The following ZNF462 variants were observed in gnomAD, a reference collection of about 807,000 sequenced individuals.
ZNF462 encodes the protein zinc finger PBX1-interacting protein.
In ZNF462, 10 loss-of-function variants were observed where a neutral mutation model predicts 201.9. That is an observed-to-expected ratio of 0.05 (90% CI 0.03 to 0.08). The LOEUF (loss-of-function observed/expected upper bound fraction) is 0.08. Ranked by LOEUF, ZNF462 falls within the 10% of genes least tolerant of loss-of-function variation. ZNF462 has a pLI of 1.00. For missense variants in ZNF462, 2,523 were observed against 3,168.3 expected, an observed-to-expected ratio of 0.80 and a Z score of 4.89; for synonymous variants, 1,227 against 1,193.3, an observed-to-expected ratio of 1.03 and a Z score of -0.58.
chr9:106,969,391 T>C (rs1293755250), intron 7 of ZNF462, among the ~76,000 whole-genome samples: 5 of 152,190 alleles, frequency 3.3e-5, no homozygotes, highest in African/African-American at 4.8e-5. Flanking sequence ...AGTTAAAATA[T>C]AGAATTTGTT....
rs1009605573 is a variant in ZNF462, at chr9:106,883,890, A to C, written c.-31+20535A>C. On this transcript the variant is annotated intron_variant, in intron 1 of 12. Transcript: ENST00000277225. The surrounding 1 kb of genome is among the most constrained non-coding windows in gnomAD (Gnocchi z 4.9). ...GTTTTAACAGCTTCAGAATGTGAAG[A>C]ATCTGTAGGTCTAGTCTGCTAATTG... 3.3e-5 allele frequency among the ~76,000 whole-genome samples: 5 copies of C among 152,312 alleles called. No homozygotes were observed. Among genetic ancestry groups the C allele is most frequent in the Non-Finnish European group, 7.4e-5 (5 of 68,022 alleles).
At chr9:106,967,392 G>C (rs1046040701) in intron 7 of ZNF462, among the ~76,000 whole-genome samples, 1 of 151,820 alleles carries the variant, frequency 6.6e-6, no homozygotes, top group African/African-American at 2.4e-5. Flanking sequence ...TTTGTCGTTT[G>C]CCTTTATAAA....
At chr9:106,999,674 A>G (rs1307422708) in intron 10 of ZNF462, among the ~76,000 whole-genome samples, 1 of 152,262 alleles carries the variant, frequency 6.6e-6, no homozygotes, top group Non-Finnish European at 1.5e-5. Context: ...ATCTACAGAT[A>G]GAGAACAGGA....
At chr9:106,910,492 T>G (rs1829505164) in intron 1 of ZNF462, among the ~76,000 whole-genome samples, 1 of 151,872 alleles carries the variant, frequency 6.6e-6, no homozygotes, top group Non-Finnish European at 1.5e-5. Context: ...TGCTTAATTC[T>G]GCTTTTAGAA....
At chr9:106,989,151 T>G (rs1405268538) in intron 10 of ZNF462, among the ~76,000 whole-genome samples, 1 of 152,164 alleles carries the variant, frequency 6.6e-6, no homozygotes, top group African/African-American at 2.4e-5. Flanking sequence ...TTTTCCCCAT[T>G]CAGTATTACG....
At position 106,918,068 on chromosome 9, in the gene ZNF462, G is replaced by C. The variant is rs914447053; in HGVS notation, c.-30-5286G>C. Among the ~76,000 whole-genome samples the C allele has an allele frequency of 1.1e-4, 16 of 151,784 alleles. 1 individual carries two copies. The Middle Eastern group carries it at 0.014, about 129-fold the overall frequency. ...TTTTTTTTATTTTTAGTAGAAACAGGGTTTCACCATGTTGACCAGACTGGT... is the reference window on the plus strand; with the variant it reads ...TTTTTTTTATTTTTAGTAGAAACAGCGTTTCACCATGTTGACCAGACTGGT... On this transcript the variant is annotated intron_variant, in intron 1 of 12. Transcript: ENST00000277225.
chr9:106,860,857 C>T (rs1039651246), upstream of ZNF462, among the ~76,000 whole-genome samples: 8 of 151,932 alleles, frequency 5.3e-5, no homozygotes, highest in Admixed American at 4.6e-4. The surrounding 1 kb of genome is among the most constrained non-coding windows in gnomAD (Gnocchi z 7.1). Flanking sequence ...TCCGGGCACT[C>T]GGAAGGGGGA....
chr9:106,935,584 C>T lies in ZNF462; in HGVS notation c.6198C>T (p.Asn2066=), dbSNP rs745504479. The T allele has an allele frequency of 1.4e-5, 22 of 1,613,964 alleles. No individual in the cohort carries two copies. In the South Asian group the frequency reaches 1.9e-4, roughly 14 times the overall value. The change falls in exon 6 of 13, where the codon AAC becomes AAT. Residue 2066 remains asparagine (N), a synonymous_variant. Transcript: ENST00000277225. The surrounding 1 kb of genome is among the most constrained non-coding windows in gnomAD (Gnocchi z 4.1). ...CKLCSFKSSY[N]SRLKTHILKA... is the part of the protein sequence containing the mutation. ...TCTGCTCCTTCAAGTCCTCCTATAACAGCCGGCTGAAAACACATATACTCA... is the reference window on the plus strand; with the variant it reads ...TCTGCTCCTTCAAGTCCTCCTATAATAGCCGGCTGAAAACACATATACTCA...
Position 106,926,245 on chromosome 9 carries a change from C to T in ZNF462, c.2333C>T (p.Thr778Ile), listed in dbSNP as rs1423687519. Residue 778 changes from threonine to isoleucine, a missense_variant, in exon 3 of 13, where the codon ACC becomes ATC. Around this residue, in one of 15 missense-constraint regions of ZNF462, gnomAD observed 383 missense variants for 453.4 expected, o/e 0.84. Transcript: ENST00000277225. The surrounding 1 kb of genome is among the most constrained non-coding windows in gnomAD (Gnocchi z 7.9). ...AAAGAGCCCAACTTCAGAAACATCA[C>T]CCACGATTACAATGCCACCAATGGG... is the stretch of plus-strand genomic sequence containing the variant. ...PQKEPNFRNI[T>I]HDYNATNGAE... 1.9e-6 allele frequency: 3 copies of T among 1,614,200 alleles called. No homozygotes were observed. The highest frequency in any genetic ancestry group is 8.5e-7 in the Non-Finnish European group (1 of 1,180,048).
rs1421429397 is a variant in ZNF462 at position 106,935,444 on chromosome 9, A to C, written c.6117-59A>C. 3 of 1,495,388 alleles carry C rather than the reference A, an allele frequency of 2.0e-6. No homozygotes were observed. In the African/African-American group the frequency reaches 4.1e-5, roughly 21 times the overall value. The allele number at this position is 1,495,388 out of a possible 1,614,324, so 92.6% of individuals were successfully genotyped here. A position where few individuals can be genotyped will look rare whatever the true frequency, so the allele number is the denominator to read the frequency against. On this transcript the variant is annotated intron_variant, in intron 5 of 12. Transcript: ENST00000277225. The surrounding 1 kb of genome is among the most constrained non-coding windows in gnomAD (Gnocchi z 4.1). ...ATTCCTGGAAAAAAAGCAATGAGCA[A>C]ATCCTCTATGCAATTTTTAATTTTG...
intron 7 of ZNF462, among the ~76,000 whole-genome samples, chr9:106,955,842 A>G (rs1245002178): frequency 1.3e-5 from 2 of 152,136 alleles, no homozygotes; most frequent in African/African-American, 2.4e-5. Context: ...TTATCTTTGC[A>G]AGTTTTATCA....
rs1832167114 is a variant in ZNF462, at chr9:106,968,160, C to T, written c.6428-3845C>T. The stretch of plus-strand genomic sequence containing the variant: ...AGACACAAGACTCAGACTTTATAAT[C>T]AGACAGGTCTTTGTTCAAATCCTAC... On this transcript the variant is annotated intron_variant, in intron 7 of 12. Coordinates refer to ENST00000277225, the MANE Select transcript of ZNF462 (RefSeq NM_021224.6). The surrounding 1 kb of genome is among the most constrained non-coding windows in gnomAD (Gnocchi z 4.0). Among the ~76,000 whole-genome samples the T allele has an allele frequency of 6.6e-6, 1 of 152,140 alleles. No individual in the cohort carries two copies. Among genetic ancestry groups the T allele is most frequent in the South Asian group, 2.1e-4 (1 of 4,826 alleles).
chr9:106,889,263 A>C (rs1195906790), intron 1 of ZNF462, among the ~76,000 whole-genome samples: 1 of 152,178 alleles, frequency 6.6e-6, no homozygotes, highest in Admixed American at 6.5e-5. Flanking sequence ...GAGGCCTCAG[A>C]AATGCTACCT....
intron 1 of ZNF462, among the ~76,000 whole-genome samples, chr9:106,871,602 G>A (rs138502734): frequency 6.6e-6 from 1 of 152,236 alleles, no homozygotes; most frequent in African/African-American, 2.4e-5. Flanking sequence ...GAAATATGAA[G>A]ACCAGTGCTC....
chr9:106,907,891 C>T (rs1829338633), intron 1 of ZNF462, among the ~76,000 whole-genome samples: 1 of 151,816 alleles, frequency 6.6e-6, no homozygotes, highest in South Asian at 2.1e-4. Context: ...TACCAGATTC[C>T]ATATTTAAAT....
Position 107,010,012 on chromosome 9 carries a change from G to A in ZNF462, c.7313+344G>A, listed in dbSNP as rs1829832967. On this transcript the variant is annotated intron_variant, in intron 12 of 12. Coordinates refer to ENST00000277225, the MANE Select transcript of ZNF462 (RefSeq NM_021224.6). The surrounding 1 kb of genome is among the most constrained non-coding windows in gnomAD (Gnocchi z 4.6). ...ACGTGAATCGAGGTCAAAAGATCTG[G>A]CTTCTGTTCCTGCCTCTCTGACTGA... 6.6e-6 allele frequency among the ~76,000 whole-genome samples: 1 copy of A among 152,084 alleles called. No homozygotes were observed. The highest frequency in any genetic ancestry group is 1.5e-5 in the Non-Finnish European group (1 of 68,028).
intron 1 of ZNF462, among the ~76,000 whole-genome samples, chr9:106,912,219 G>T (rs1829580381): frequency 6.6e-6 from 1 of 151,426 alleles, no homozygotes; most frequent in Non-Finnish European, 1.5e-5. Flanking sequence ...GATTTGGCAG[G>T]CATAAAGCTA....
rs1829828665 is a variant in ZNF462 at position 106,917,673 on chromosome 9, A to G, written c.-30-5681A>G. On this transcript the variant is annotated intron_variant, in intron 1 of 12. Coordinates refer to ENST00000277225, the MANE Select transcript of ZNF462 (RefSeq NM_021224.6). This position sits in a 1 kb window ranked among gnomAD's most constrained non-coding sequence, Gnocchi z 4.5. ...CTTTCATTAGTGTGGTGAATTGCCA[A>G]GAGTACACAGAACTGCTTAGATCAT... Among the ~76,000 whole-genome samples the G allele has an allele frequency of 6.6e-6, 1 of 152,166 alleles. No homozygotes were observed. The highest frequency in any genetic ancestry group is 2.4e-5 in the African/African-American group (1 of 41,434).
chr9:106,867,019 A>T (rs914221480), intron 1 of ZNF462, among the ~76,000 whole-genome samples: 1 of 152,088 alleles, frequency 6.6e-6, no homozygotes, highest in Admixed American at 6.6e-5. Flanking sequence ...GACTCTCCAC[A>T]TTTTTTACTT....
Sources: allele counts gnomAD v4.1 joint callset (sites outside exome capture counted in the v4.1 genomes callset), GRCh38; gene constraint gnomAD v4.1.1; regional missense constraint gnomAD v4.1.1; non-coding constraint Gnocchi (gnomAD v3.1); transcripts MANE v1.5; gene names NCBI Gene and HGNC (gene_info 2026-07-23, HGNC 2026-07-21).